The following DNAJB5 variants were observed in gnomAD, a reference collection of about 807,000 sequenced individuals.
DNAJB5 encodes the protein dnaJ homolog subfamily B member 5.
A neutral mutation model predicts 32.6 loss-of-function variants in DNAJB5; 12 were observed. The ratio of observed to expected loss-of-function variants is 0.37; its 90% confidence interval spans 0.24 to 0.60. The LOEUF (loss-of-function observed/expected upper bound fraction) is 0.60. DNAJB5 is among the 20% of genes least tolerant of loss of function. The pLI is 0.71. For synonymous variants in DNAJB5, 188 were observed against 212.9 expected (o/e 0.88, Z 1.02); for missense variants, 358 against 554.2 (o/e 0.65, Z 3.55).
downstream of DNAJB5, chr9:34,998,785 T>C (rs1276861688): frequency 6.6e-6 from 1 of 151,916 alleles, no homozygotes; most frequent in Non-Finnish European, 1.5e-5. Context: ...AGGAGAAAAT[T>C]TTTTTCTAGG....
At position 34,990,341 on chromosome 9, in the gene DNAJB5, G is replaced by A. The variant is rs1240494486; in HGVS notation, c.-132-158G>A. On this transcript the variant is annotated intron_variant, in intron 1 of 4. Transcript: ENST00000682809. The surrounding 1 kb of genome is among the most constrained non-coding windows in gnomAD (Gnocchi z 4.5). ...CTCTCGGGCCCTCACAATCACACCT[G>A]TCACAGGTATACACGCTGCCACTCA... 2.7e-6 allele frequency: 4 copies of A among 1,479,316 alleles called. No homozygotes were observed. The highest frequency in any genetic ancestry group is 4.1e-5 in the Admixed American group (2 of 49,102). The allele number at this position is 1,479,316 out of a possible 1,614,324, so 91.6% of individuals were successfully genotyped here.
intron 2 of DNAJB5, chr9:34,992,984 G>A (rs1827695241): frequency 1.4e-6 from 2 of 1,391,938 alleles, no homozygotes; most frequent in East Asian, 2.7e-5. Flanking sequence ...GAAAACCCAG[G>A]AGGTGAGGAC....
chr9:34,996,314 C>T lies in DNAJB5; in HGVS notation c.477C>T (p.His159=). Residue 159 remains histidine (H), a synonymous_variant, in exon 4 of 5, where the codon CAC becomes CAT. Transcript: ENST00000682809. The surrounding 1 kb of genome is among the most constrained non-coding windows in gnomAD (Gnocchi z 7.2). Reference sequence around the variant, plus strand: ...CAGGTGGCTCCAGTGGCTCCTTTCACTACACCTTTCATGGGGACCCCCATG... The same window carrying T: ...CAGGTGGCTCCAGTGGCTCCTTTCATTACACCTTTCATGGGGACCCCCATG... The part of the protein sequence containing the change: ...GTSGGSSGSF[H]YTFHGDPHAT... 1 of 1,614,170 alleles carries T rather than the reference C, an allele frequency of 6.2e-7. No homozygotes were observed. The highest frequency in any genetic ancestry group is 1.6e-4 in the Middle Eastern group (1 of 6,062).
At chr9:34,991,543 C>T (rs1268063768) in intron 2 of DNAJB5, 1 of 425,962 alleles carries the variant, frequency 2.3e-6, no homozygotes, top group Non-Finnish European at 4.7e-6. Context: ...TAGGGGCACC[C>T]TCTTGGTGTG....
chr9:34,991,668 G>GCC (rs558122735), intron 2 of DNAJB5: 15,442 of 71,344 alleles, frequency 0.22, 1,583 homozygotes, highest in Admixed American at 0.27. Context: ...GAAAACGGTT[G>GCC]CCCCCCCCCC....
At chr9:34,994,549 A>T (rs532826534) in intron 3 of DNAJB5, among the ~76,000 whole-genome samples, 2 of 152,018 alleles carry the variant, frequency 1.3e-5, no homozygotes, top group Non-Finnish European at 2.9e-5. Context: ...GCATGGAGGG[A>T]TGGGAGGGAT....
chr9:34,994,614 T>C (rs1274163730), intron 3 of DNAJB5, among the ~76,000 whole-genome samples: 1 of 152,178 alleles, frequency 6.6e-6, no homozygotes, highest in African/African-American at 2.4e-5. Context: ...TGACCTGTCT[T>C]GGAATTGCAC....
At chr9:34,994,159 G>C (rs553666894) in intron 3 of DNAJB5, among the ~76,000 whole-genome samples, 169 of 152,288 alleles carry the variant, frequency 1.1e-3, no homozygotes, top group African/African-American at 3.6e-3. Context: ...CCTGCCACCC[G>C]CCAGCCACAG....
Position 34,991,428 on chromosome 9 carries a change from G to A in DNAJB5, c.182+616G>A, listed in dbSNP as rs114802420. ...AGAGCAGCTAGCAGGTGGGTACCAGGGAGGAAGCTGGCCGGGTGTGGAGGT... is the reference window on the plus strand; with the variant it reads ...AGAGCAGCTAGCAGGTGGGTACCAGAGAGGAAGCTGGCCGGGTGTGGAGGT... On this transcript the variant is annotated intron_variant, in intron 2 of 4. Coordinates refer to ENST00000682809, the MANE Select transcript of DNAJB5 (RefSeq NM_001349723.3). 1,025 of 455,930 alleles carry A rather than the reference G, an allele frequency of 2.2e-3. 17 individuals are homozygous for A. The highest frequency in any genetic ancestry group is 0.019 in the African/African-American group (935 of 50,190). 28.2% of individuals were successfully genotyped at this position (455,930 alleles called of 1,614,324 possible).
intron 2 of DNAJB5, chr9:34,991,401 C>T (rs1386187274): frequency 2.2e-6 from 1 of 456,186 alleles, no homozygotes; most frequent in Non-Finnish European, 4.4e-6. Flanking sequence ...ATGTATGGGC[C>T]TAGAGCAGCT....
Position 34,993,448 on chromosome 9 carries a change from A to T in DNAJB5, c.427+4A>T. 6.2e-7 allele frequency: 1 copy of T among 1,609,922 alleles called. No homozygotes were observed. Among genetic ancestry groups the T allele is most frequent in the Non-Finnish European group, 8.5e-7 (1 of 1,178,932 alleles). On this transcript the variant is annotated splice_donor_region_variant and intron_variant, in intron 3 of 4. Transcript: ENST00000682809. This position sits in a 1 kb window ranked among gnomAD's most constrained non-coding sequence, Gnocchi z 4.7. ...TATGACCAGTATGGGGAGGAAGGTA[A>T]GAGGGCAGCACTCCAGCCCAATCCC... is the stretch of plus-strand genomic sequence containing the variant.
chr9:34,990,469 C>T lies in DNAJB5; in HGVS notation c.-132-30C>T. 6.5e-7 allele frequency: 1 copy of T among 1,535,704 alleles called. No homozygotes were observed. The highest frequency in any genetic ancestry group is 8.7e-7 in the Non-Finnish European group (1 of 1,146,450). On this transcript the variant is annotated intron_variant, in intron 1 of 4. Transcript: ENST00000682809. The surrounding 1 kb of genome is among the most constrained non-coding windows in gnomAD (Gnocchi z 4.5). The stretch of plus-strand genomic sequence containing the variant: ...CTGAGAGCAGGTGGCCGCGGGTCTT[C>T]TCCCTTCACTCTCCACATTTGGGGA...
Position 34,996,740 on chromosome 9 carries a change from A to G in DNAJB5, c.903A>G (p.Lys301=), listed in dbSNP as rs991706753. Residue 301 remains lysine (K), a synonymous_variant, in exon 4 of 5, where the codon AAA becomes AAG. Coordinates refer to ENST00000682809, the MANE Select transcript of DNAJB5 (RefSeq NM_001349723.3). This position sits in a 1 kb window ranked among gnomAD's most constrained non-coding sequence, Gnocchi z 7.2. ...AAGGCACCAAGATCACCTTCCCCAA[A>G]GAAGGCGACGCCACACCTGACAACA... The part of the protein sequence containing the change: ...WKEGTKITFP[K]EGDATPDNIP... The G allele has an allele frequency of 1.9e-6, 3 of 1,614,136 alleles. No homozygotes were observed. The highest frequency in any genetic ancestry group is 1.1e-5 in the South Asian group (1 of 91,084).
intron 2 of DNAJB5, chr9:34,991,670 C>CCCCG (rs1827643118): frequency 4.8e-6 from 1 of 208,472 alleles, no homozygotes; most frequent in African/African-American, 3.1e-5. Flanking sequence ...AAACGGTTGC[C>CCCCG]CCCCCCCCCA....
In DNAJB5 at chr9:34,996,446, G is replaced by A. The variant is rs780098757; in HGVS notation, c.609G>A (p.Val203=). 38 of 1,614,068 alleles carry A rather than the reference G, an allele frequency of 2.4e-5. No homozygotes were observed. In the East Asian group the frequency reaches 3.8e-4, roughly 16 times the overall value. ...GCTTTGACCCAGATGACATGGATGT[G>A]GATGAAGATGAGGACCCATTTGGCG... ...FSGFDPDDMD[V]DEDEDPFGAF... Residue 203 remains valine, a synonymous_variant, in exon 4 of 5, where the codon GTG becomes GTA. Transcript: ENST00000682809. This position sits in a 1 kb window ranked among gnomAD's most constrained non-coding sequence, Gnocchi z 7.2.
intron 3 of DNAJB5, among the ~76,000 whole-genome samples, chr9:34,994,378 C>G (rs574833196): frequency 1.3e-5 from 2 of 152,282 alleles, no homozygotes; most frequent in Admixed American, 1.3e-4. Flanking sequence ...TGTTCCATGC[C>G]CCTCTGTGAA....
intron 3 of DNAJB5, among the ~76,000 whole-genome samples, chr9:34,994,555 G>A (rs752354556): frequency 6.6e-6 from 1 of 152,168 alleles, no homozygotes; most frequent in African/African-American, 2.4e-5. Flanking sequence ...AGGGATGGGA[G>A]GGATAGGAGT....
chr9:34,990,292 T>A lies in DNAJB5; in HGVS notation c.-132-207T>A. On this transcript the variant is annotated intron_variant, in intron 1 of 4. Coordinates refer to ENST00000682809, the MANE Select transcript of DNAJB5 (RefSeq NM_001349723.3). This position sits in a 1 kb window ranked among gnomAD's most constrained non-coding sequence, Gnocchi z 4.5. ...GGGATTGGGGTCGGGTCCTCCCCAGTGAGAGGCGACAGGAGCTCACTGCCT... is the reference window on the plus strand; with the variant it reads ...GGGATTGGGGTCGGGTCCTCCCCAGAGAGAGGCGACAGGAGCTCACTGCCT... 1 of 1,409,638 alleles carries A rather than the reference T, an allele frequency of 7.1e-7. No individual in the cohort carries two copies. The allele number at this position is 1,409,638 out of a possible 1,614,324, so 87.3% of individuals were successfully genotyped here. A position where few individuals can be genotyped will look rare whatever the true frequency, so the allele number is the denominator to read the frequency against.
At chr9:34,995,402 G>A (rs1827763173) in intron 3 of DNAJB5, among the ~76,000 whole-genome samples, 1 of 152,122 alleles carries the variant, frequency 6.6e-6, no homozygotes, top group African/African-American at 2.4e-5. Context: ...CTGCCTCCAG[G>A]AATCTGAGCC....
Sources: allele counts gnomAD v4.1 joint callset (sites outside exome capture counted in the v4.1 genomes callset), GRCh38; gene constraint gnomAD v4.1.1; non-coding constraint Gnocchi (gnomAD v3.1); transcripts MANE v1.5; gene names NCBI Gene and HGNC (gene_info 2026-07-23, HGNC 2026-07-21).